Variants in GIT2 observed in about 807,000 individuals in gnomAD.
GIT2 encodes the protein GIT ArfGAP 2, also known as ARF GTPase-activating protein GIT2.
Under a neutral mutation model 100.3 loss-of-function variants are expected in GIT2, and 32 were observed. The ratio of observed to expected loss-of-function variants is 0.32; its 90% confidence interval spans 0.24 to 0.43. The LOEUF is 0.43. Ranked by LOEUF, GIT2 falls within the 20% of genes least tolerant of loss-of-function variation. GIT2 has a pLI of 1.00. For missense variants in GIT2, 737 were observed against 975.1 expected (o/e 0.76, Z 3.25); for synonymous variants, 353 against 364.1 (o/e 0.97, Z 0.35).
At chr12:109,964,049 C>T (rs1414923795) in intron 9 of GIT2, among the ~76,000 whole-genome samples, 4 of 152,214 alleles carry the variant, frequency 2.6e-5, no homozygotes, top group South Asian at 2.1e-4. Context: ...ATAATCTCAG[C>T]TTTCATGCAG....
chr12:109,957,680 A>G (rs374030867), intron 12 of GIT2, among the ~76,000 whole-genome samples: 2 of 150,770 alleles, frequency 1.3e-5, no homozygotes, highest in African/African-American at 4.9e-5. Context: ...CTAATTTTTT[A>G]TATTTTTAGT....
rs545026011 is a variant in GIT2, at chr12:109,961,091, T to G, written c.987+187A>C. On this transcript the variant is annotated intron_variant, in intron 11 of 19. Coordinates refer to ENST00000355312, the MANE Select transcript of GIT2 (RefSeq NM_057169.5). ...TATTTCTTCTGTGAATTGTTTCATA[T>G]TCTTTCCCAGTCATTTATTTATAGT... is the stretch of plus-strand genomic sequence containing the variant. 2.0e-5 allele frequency among the ~76,000 whole-genome samples: 3 copies of G among 152,382 alleles called. No individual in the cohort carries two copies. The South Asian group carries it at 6.2e-4, about 32-fold the overall frequency.
chr12:109,999,085 G>A (rs987397090), upstream of GIT2: 1 of 152,262 alleles, frequency 6.6e-6, no homozygotes, highest in Non-Finnish European at 1.5e-5. This position sits in a 1 kb window ranked among gnomAD's most constrained non-coding sequence, Gnocchi z 4.3. Context: ...CTCCAAAAAG[G>A]CTGCAAGGGT....
chr12:109,970,827 T>C (rs1293959711), intron 7 of GIT2, among the ~76,000 whole-genome samples: 1 of 152,246 alleles, frequency 6.6e-6, no homozygotes, highest in Non-Finnish European at 1.5e-5. Context: ...TCTCACTCTG[T>C]TGCCAAGGCT....
At chr12:109,999,462 G>A (rs1385466029), upstream of GIT2, 3 of 245,680 alleles carry the variant, frequency 1.2e-5, no homozygotes, top group East Asian at 1.6e-4. This position sits in a 1 kb window ranked among gnomAD's most constrained non-coding sequence, Gnocchi z 4.3. Flanking sequence ...AGCGCGGGCG[G>A]GAACGCCGCG....
At chr12:109,976,045 C>T (rs1182354436) in intron 7 of GIT2, among the ~76,000 whole-genome samples, 2 of 151,744 alleles carry the variant, frequency 1.3e-5, no homozygotes, top group African/African-American at 4.8e-5. Flanking sequence ...GCTGGGATTA[C>T]AGGCACTACA....
Position 109,934,813 on chromosome 12 carries a change from C to T in GIT2, c.2004-728G>A, listed in dbSNP as rs942843196. On this transcript the variant is annotated intron_variant, in intron 18 of 19. Coordinates refer to ENST00000355312, the MANE Select transcript of GIT2 (RefSeq NM_057169.5). This position sits in a 1 kb window ranked among gnomAD's most constrained non-coding sequence, Gnocchi z 4.5. ...ACTGTCGGCCGGGCGCAGTGGCTCA[C>T]GCCTGTAATCCCAGCACTTTGGGAG... 1.3e-5 allele frequency among the ~76,000 whole-genome samples: 2 copies of T among 152,204 alleles called. No individual in the cohort carries two copies. The highest frequency in any genetic ancestry group is 4.8e-5 in the African/African-American group (2 of 41,452).
chr12:109,977,273 G>C (rs1290545546), intron 7 of GIT2, among the ~76,000 whole-genome samples: 1 of 152,082 alleles, frequency 6.6e-6, no homozygotes, highest in East Asian at 1.9e-4. Context: ...GTAATCGGGA[G>C]GCCCAGGTGG....
At chr12:109,981,913 A>G (rs1295863711) in intron 6 of GIT2, 1 of 152,076 alleles carries the variant, frequency 6.6e-6, no homozygotes, top group Non-Finnish European at 1.5e-5. Flanking sequence ...TTCTCTCCCC[A>G]CCATTCAAGG....
rs1565925221 is a variant in GIT2 at position 109,932,580 on chromosome 12, T to A, written c.*398A>T. On this transcript the variant is annotated 3_prime_UTR_variant, in exon 20 of 20. Coordinates refer to ENST00000355312, the MANE Select transcript of GIT2 (RefSeq NM_057169.5). ...TTGGCAGGGAACAAATGACGCTGAT[T>A]TTTTCTTTTTTAACTGAACTCTCTC... 5.9e-6 allele frequency: 1 copy of A among 170,330 alleles called. No individual in the cohort carries two copies. Among genetic ancestry groups the A allele is most frequent in the Non-Finnish European group, 1.3e-5 (1 of 78,906 alleles). 10.6% of individuals were successfully genotyped at this position (170,330 alleles called of 1,614,324 possible).
chr12:109,969,795 G>T (rs937885859), intron 7 of GIT2, among the ~76,000 whole-genome samples: 1 of 149,564 alleles, frequency 6.7e-6, no homozygotes, highest in Non-Finnish European at 1.5e-5. Flanking sequence ...TCACTCTGTC[G>T]CCCAGGCTGG....
At chr12:109,980,820 A>G in intron 7 of GIT2, 132 bp downstream of exon 7, 1 of 664,926 alleles carries the variant, frequency 1.5e-6, no homozygotes, top group South Asian at 1.8e-5. Context: ...ATCCTTTCAA[A>G]TTAAAAGCCA....
upstream of GIT2, chr12:109,996,496 A>T: frequency 2.3e-6 from 1 of 426,286 alleles, no homozygotes; most frequent in South Asian, 4.3e-5. Flanking sequence ...CTACCTTTAA[A>T]TATTGAATTT....
chr12:109,973,047 C>T (rs1257071126), intron 7 of GIT2, among the ~76,000 whole-genome samples: 1 of 152,078 alleles, frequency 6.6e-6, no homozygotes, highest in Non-Finnish European at 1.5e-5. Flanking sequence ...AGGCTGGTCG[C>T]AAACTCTTGG....
chr12:109,993,520 CT>C (rs1888794283), intron 1 of GIT2, among the ~76,000 whole-genome samples: 1 of 152,212 alleles, frequency 6.6e-6, no homozygotes, highest in Non-Finnish European at 1.5e-5. Context: ...AACTCTGCCA[CT>C]TCTTGCACAA....
intron 7 of GIT2, among the ~76,000 whole-genome samples, chr12:109,978,695 G>A (rs972362197): frequency 6.6e-6 from 1 of 151,988 alleles, no homozygotes. Context: ...TTCCTATTTG[G>A]TTCTCTTCTG....
At position 109,934,969 on chromosome 12, in the gene GIT2, T is replaced by A. The variant is rs985910759; in HGVS notation, c.2004-884A>T. 6.6e-6 allele frequency among the ~76,000 whole-genome samples: 1 copy of A among 151,786 alleles called. No homozygotes were observed. The highest frequency in any genetic ancestry group is 1.5e-5 in the Non-Finnish European group (1 of 67,964). On this transcript the variant is annotated intron_variant, in intron 18 of 19. Coordinates refer to ENST00000355312, the MANE Select transcript of GIT2 (RefSeq NM_057169.5). This position sits in a 1 kb window ranked among gnomAD's most constrained non-coding sequence, Gnocchi z 4.5. ...GGCGCATGCCTGTAATCCCAGCTAC[T>A]CAGGAGGCTGAAGCAGGAGAATCGC...
chr12:109,972,716 G>A (rs1884194745), intron 7 of GIT2, among the ~76,000 whole-genome samples: 1 of 152,146 alleles, frequency 6.6e-6, no homozygotes, highest in African/African-American at 2.4e-5. Context: ...ACCCACCTTG[G>A]CCTCCCAAAG....
chr12:109,992,446 C>T (rs914777746), intron 1 of GIT2, among the ~76,000 whole-genome samples: 1 of 151,986 alleles, frequency 6.6e-6, no homozygotes, highest in Non-Finnish European at 1.5e-5. Flanking sequence ...TGTGCCCGGC[C>T]AAGATAATAT....
Sources: gnomAD v4.1 joint callset for allele counts (sites outside exome capture counted in the v4.1 genomes callset) on GRCh38, gnomAD v4.1.1 for gene constraint, Gnocchi (gnomAD v3.1) non-coding constraint, MANE v1.5 for transcripts, NCBI Gene and HGNC (gene_info 2026-07-23, HGNC 2026-07-21) for gene names.